Variants in NUMA1 observed in about 807,000 individuals in gnomAD.
The protein encoded by NUMA1 is nuclear mitotic apparatus protein 1.
A neutral mutation model predicts 237.1 loss-of-function variants in NUMA1; 62 were observed. That is an observed-to-expected ratio of 0.26 (90% CI 0.21 to 0.32). The LOEUF (loss-of-function observed/expected upper bound fraction) is 0.32, where lower values mean the gene tolerates loss of function less well. Among genes scored for constraint, NUMA1 ranks in the 10% least tolerant of loss-of-function variants. The pLI is 1.00. For synonymous variants in NUMA1, 1,028 were observed against 1,066.1 expected, an observed-to-expected ratio of 0.96 and a Z score of 0.70; for missense variants, 2,533 against 2,666.5, an observed-to-expected ratio of 0.95 and a Z score of 1.10.
At chr11:72,035,404 C>T (rs1940893886) in intron 3 of NUMA1, among the ~76,000 whole-genome samples, 3 of 151,622 alleles carry the variant, frequency 2.0e-5, no homozygotes, top group African/African-American at 7.3e-5. Context: ...TTACCACCCC[C>T]CCTTTTTTTT....
chr11:72,022,090 A>G lies in NUMA1; in HGVS notation c.372+249T>C, dbSNP rs189645033. 138 of 372,096 alleles carry G rather than the reference A, an allele frequency of 3.7e-4. No homozygotes were observed. The Admixed American group carries it at 5.1e-3, about 14-fold the overall frequency. 23.0% of individuals were successfully genotyped at this position (372,096 alleles called of 1,614,324 possible). ...CCTAAAACACATTACAGTTAAACAT[A>G]TGCACATAAAAAAGGACTTGAAAGT... is the stretch of plus-strand genomic sequence containing the variant. On this transcript the variant is annotated intron_variant, in intron 7 of 26. Transcript: ENST00000393695.
chr11:72,052,099 G>T (rs1216019280), intron 2 of NUMA1, among the ~76,000 whole-genome samples: 2 of 152,204 alleles, frequency 1.3e-5, no homozygotes, highest in Non-Finnish European at 2.9e-5. Context: ...GGGGCAGTAG[G>T]AACTAAAACA....
In NUMA1 at chr11:72,013,665, T is replaced by C. The variant is rs749965136; in HGVS notation, c.3838A>G (p.Ser1280Gly). 6.8e-6 allele frequency: 11 copies of C among 1,609,396 alleles called. No individual in the cohort carries two copies. Among genetic ancestry groups the C allele is most frequent in the Non-Finnish European group, 9.3e-6 (11 of 1,179,950 alleles). Residue 1280 changes from serine (S) to glycine (G), a missense_variant, in exon 15 of 27, where the codon AGT becomes GGT. Physicochemically the swap from Ser to Gly is moderately conservative, Grantham distance 56 (BLOSUM62 0). Transcript: ENST00000393695. The surrounding 1 kb of genome is among the most constrained non-coding windows in gnomAD (Gnocchi z 6.8). ...RLLQAETASN[S>G]ARAAERSSAL... ...GAGCTGCGTTCTGCAGCTCTGGCAC[T>C]GTTGCTGGCTGTCTCTGCCTGCAGC...
At chr11:72,004,538 G>A in intron 24 of NUMA1, 102 bp downstream of exon 24, 1 of 1,296,956 alleles carries the variant, frequency 7.7e-7, no homozygotes. Flanking sequence ...GAAAGAGAGG[G>A]GGAAGTGAGG....
At chr11:72,023,672 G>A (rs1193252263) in intron 5 of NUMA1, among the ~76,000 whole-genome samples, 2 of 152,140 alleles carry the variant, frequency 1.3e-5, no homozygotes, top group Non-Finnish European at 2.9e-5. Context: ...TGTCAAAGAC[G>A]AGGACTCTGT....
Position 72,013,612 on chromosome 11 carries a change from G to GAGGCTCTGCACCTCCTCCCGC in NUMA1, c.3870_3890dup (p.Val1294_Glu1300dup), listed in dbSNP as rs1443888142. 6 of 1,611,204 alleles carry GAGGCTCTGCACCTCCTCCCGC rather than the reference G, an allele frequency of 3.7e-6. No homozygotes were observed. Among genetic ancestry groups the GAGGCTCTGCACCTCCTCCCGC allele is most frequent in the African/African-American group, 1.3e-5 (1 of 74,904 alleles). On this transcript the variant is annotated inframe_insertion, in exon 15 of 27. Coordinates refer to ENST00000393695, the MANE Select transcript of NUMA1 (RefSeq NM_006185.4). The surrounding 1 kb of genome is among the most constrained non-coding windows in gnomAD (Gnocchi z 6.8). Reference sequence around the variant, plus strand: ...CCCGCTGTTTCTCAGCCTCCTCCCGGAGGCTCTGCACCTCCTCCCGCAGAG... The same window carrying GAGGCTCTGCACCTCCTCCCGC: ...CCCGCTGTTTCTCAGCCTCCTCCCGGAGGCTCTGCACCTCCTCCCGCAGGCTCTGCACCTCCTCCCGCAGAG...
In NUMA1 at chr11:72,006,228, T is replaced by C. The variant is rs1463964522; in HGVS notation, c.5499A>G (p.Ser1833=). Residue 1833 remains serine, a synonymous_variant, in exon 22 of 27, where the codon TCA becomes TCG. Coordinates refer to ENST00000393695, the MANE Select transcript of NUMA1 (RefSeq NM_006185.4). ...LDVEEPDSAN[S]SFYSTRSAPA... ...GAGCAGACCGCGTGCTGTAGAACGA[T>C]GAGTTGGCGCTGTCTGGCTCTTCCA... 5.0e-6 allele frequency: 8 copies of C among 1,614,048 alleles called. No individual in the cohort carries two copies. The highest frequency in any genetic ancestry group is 6.8e-6 in the Non-Finnish European group (8 of 1,180,032).
chr11:72,003,586 C>T (rs200152642), intron 26 of NUMA1, 48 bp from the exon 27 acceptor site: 23 of 1,612,602 alleles, frequency 1.4e-5, no homozygotes, highest in Non-Finnish European at 2.5e-6. Context: ...GCGATACTAG[C>T]CTGCACCCAC....
Position 72,074,578 on chromosome 11 carries a change from AAAAT to A in NUMA1, c.-102-4671_-102-4668del, listed in dbSNP as rs576425068. ...ACATAGTGAGACCTCGTCTCTACTAAAAATAAAAAGAGTTGCCAGGCACAGTGGC... is the reference window on the plus strand; with the variant it reads ...ACATAGTGAGACCTCGTCTCTACTAAAAAAAGAGTTGCCAGGCACAGTGGC... On this transcript the variant is annotated intron_variant, in intron 1 of 26. Coordinates refer to ENST00000393695, the MANE Select transcript of NUMA1 (RefSeq NM_006185.4). Among the ~76,000 whole-genome samples, 154 of 152,016 alleles carry A rather than the reference AAAAT, an allele frequency of 1.0e-3. 2 individuals are homozygous for A. The South Asian group carries it at 0.03, about 30-fold the overall frequency.
intron 4 of NUMA1, among the ~76,000 whole-genome samples, chr11:72,028,138 G>A (rs1230771728): frequency 6.6e-6 from 1 of 152,206 alleles, no homozygotes; most frequent in Admixed American, 6.5e-5. Flanking sequence ...GGCCCCGCTA[G>A]ACCTTGCTGA....
rs777458484 is a variant in NUMA1 at position 72,012,886 on chromosome 11, G to T, written c.4608+9C>A. The T allele has an allele frequency of 6.2e-7, 1 of 1,612,472 alleles. No individual in the cohort carries two copies. The highest frequency in any genetic ancestry group is 1.3e-5 in the African/African-American group (1 of 75,020). On this transcript the variant is annotated intron_variant, in intron 15 of 26. Coordinates refer to ENST00000393695, the MANE Select transcript of NUMA1 (RefSeq NM_006185.4). ...ATCTTTGGGAGGGTGGTTGGGCTGA[G>T]TACCTTACCTGGGCAGTGAGTTTCT...
rs76969498 is a variant in NUMA1, at chr11:72,004,631, C to T, written c.6006+9G>A. On this transcript the variant is annotated intron_variant, in intron 24 of 26. Transcript: ENST00000393695. ...TGCTGGAGTAACACCCAGGAGCCAC[C>T]GCGCCTACCTCAGGAGTTCCAGGGC... 1,395 of 1,610,338 alleles carry T rather than the reference C, an allele frequency of 8.7e-4. 12 individuals carry two copies. The African/African-American group carries it at 0.016, about 18-fold the overall frequency.
chr11:72,005,007 C>T (rs558249967), intron 23 of NUMA1, among the ~76,000 whole-genome samples, 191 bp from the exon 24 acceptor site: 38 of 152,292 alleles, frequency 2.5e-4, no homozygotes, highest in African/African-American at 8.9e-4. Context: ...TGGCCACAAG[C>T]AGTGCAGTCC....
rs148817180 is a variant in NUMA1 at position 72,052,280 on chromosome 11, G to T, written c.-32-16305C>A. 2.1e-3 allele frequency among the ~76,000 whole-genome samples: 314 copies of T among 152,290 alleles called. 3 individuals carry two copies. Among genetic ancestry groups the T allele is most frequent in the East Asian group, 7.5e-3 (39 of 5,188 alleles). On this transcript the variant is annotated intron_variant, in intron 2 of 26. Coordinates refer to ENST00000393695, the MANE Select transcript of NUMA1 (RefSeq NM_006185.4). ...AAAGGAGCGTGAGGGACTAACTCAG[G>T]ATGGGATGATGGGGAATGCTTTATA... is the stretch of plus-strand genomic sequence containing the variant.
chr11:72,006,266 G>A lies in NUMA1; in HGVS notation c.5464-3C>T. On this transcript the variant is annotated splice_polypyrimidine_tract_variant and splice_region_variant and intron_variant, in intron 21 of 26. Transcript: ENST00000393695. Reference sequence around the variant, plus strand: ...TCTGGCTCTTCCACATCTAGCTTCTGGAAGACAGAGTGAATCTGTTGCAGT... The same window carrying A: ...TCTGGCTCTTCCACATCTAGCTTCTAGAAGACAGAGTGAATCTGTTGCAGT... The A allele has an allele frequency of 6.2e-7, 1 of 1,613,324 alleles. No homozygotes were observed. The highest frequency in any genetic ancestry group is 8.5e-7 in the Non-Finnish European group (1 of 1,179,370).
At chr11:72,038,922 G>C (rs1384136064) in intron 2 of NUMA1, among the ~76,000 whole-genome samples, 1 of 152,088 alleles carries the variant, frequency 6.6e-6, no homozygotes, top group South Asian at 2.1e-4. Flanking sequence ...CACCGAGCTG[G>C]TAAGGCACCC....
intron 2 of NUMA1, among the ~76,000 whole-genome samples, chr11:72,037,039 T>C (rs1456025888): frequency 6.6e-6 from 1 of 152,196 alleles, no homozygotes; most frequent in African/African-American, 2.4e-5. Flanking sequence ...CAGTCTCATG[T>C]ATGCAAGTTG....
At position 72,051,228 on chromosome 11, in the gene NUMA1, C is replaced by A. The variant is rs369503373; in HGVS notation, c.-32-15253G>T. Among the ~76,000 whole-genome samples, 48 of 152,208 alleles carry A rather than the reference C, an allele frequency of 3.2e-4. 1 individual carries two copies. In the South Asian group the frequency reaches 9.5e-3, roughly 30 times the overall value. ...AAGATGCTAATAAATAACGTGATCA[C>A]CATCAGAGAAAATAAATCCTACGTA... On this transcript the variant is annotated intron_variant, in intron 2 of 26. Transcript: ENST00000393695.
intron 20 of NUMA1, chr11:72,008,486 C>T (rs1374113375): frequency 9.9e-6 from 6 of 603,716 alleles, no homozygotes; most frequent in African/African-American, 1.8e-5. Flanking sequence ...TCAGCAGGAG[C>T]GATAGCTTCC....
Sources: allele counts gnomAD v4.1 joint callset (sites outside exome capture counted in the v4.1 genomes callset), GRCh38; gene constraint gnomAD v4.1.1; non-coding constraint Gnocchi (gnomAD v3.1); transcripts MANE v1.5; gene names NCBI Gene and HGNC (gene_info 2026-07-23, HGNC 2026-07-21).